CACNA2D3: variants seen among roughly 807,000 people sequenced by gnomAD.
The protein encoded by CACNA2D3 is calcium voltage-gated channel auxiliary subunit alpha2delta 3, also known as voltage-dependent calcium channel subunit alpha-2/delta-3.
Under a neutral mutation model 160.6 loss-of-function variants are expected in CACNA2D3, and 60 were observed. That is an observed-to-expected ratio of 0.37 (90% CI 0.30 to 0.46). CACNA2D3 has a LOEUF of 0.46. Among genes scored for constraint, CACNA2D3 ranks in the 20% least tolerant of loss-of-function variants. CACNA2D3 has a pLI of 1.00. For synonymous variants in CACNA2D3, 558 were observed against 492.9 expected, an observed-to-expected ratio of 1.13 and a Z score of -1.75; for missense variants, 1,205 against 1,365.0, an observed-to-expected ratio of 0.88 and a Z score of 1.85.
At chr3:55,018,801 T>C (rs1703384000) in intron 35 of CACNA2D3, among the ~76,000 whole-genome samples, 1 of 152,168 alleles carries the variant, frequency 6.6e-6, no homozygotes, top group African/African-American at 2.4e-5. Context: ...CTGACCTCTT[T>C]ATTTCAATTG....
intron 35 of CACNA2D3, among the ~76,000 whole-genome samples, chr3:55,041,148 A>G (rs929626907): frequency 5.9e-5 from 9 of 152,270 alleles, no homozygotes; most frequent in East Asian, 1.9e-4. Flanking sequence ...ACTCCATTGT[A>G]TAGAGATACA....
intron 17 of CACNA2D3, among the ~76,000 whole-genome samples, chr3:54,848,621 C>T (rs191187038): frequency 3.9e-5 from 6 of 152,214 alleles, no homozygotes; most frequent in Admixed American, 3.3e-4. Context: ...ATGAATTAAC[C>T]CATCTGAATG....
At chr3:54,921,182 AGCTCTTC>A (rs1271547108) in intron 27 of CACNA2D3, among the ~76,000 whole-genome samples, 1 of 24,918 alleles carries the variant, frequency 4.0e-5, no homozygotes, top group Non-Finnish European at 7.0e-5. Context: ...GATCACTAGT[AGCTCTTC>A]ACCTCTGTCT....
At chr3:54,642,014 G>A (rs1699531856) in intron 10 of CACNA2D3, 114 bp from the exon 11 acceptor site, 2 of 597,172 alleles carry the variant, frequency 3.3e-6, no homozygotes, top group Non-Finnish European at 5.8e-6. Context: ...GTGGTGGACA[G>A]TGTGCTGTCA....
chr3:54,737,854 CG>C (rs1701564498), intron 11 of CACNA2D3, among the ~76,000 whole-genome samples: 1 of 152,110 alleles, frequency 6.6e-6, no homozygotes, highest in South Asian at 2.1e-4. Context: ...TTGTTAGAGA[CG>C]GGGTTTCGCC....
At chr3:55,064,817 T>C (rs982259738) in intron 35 of CACNA2D3, among the ~76,000 whole-genome samples, 9 of 152,044 alleles carry the variant, frequency 5.9e-5, no homozygotes, top group South Asian at 2.1e-4. Context: ...TCAGAGTTCA[T>C]TGGAGATCTC....
chr3:55,009,911 T>A (rs1703173813), intron 34 of CACNA2D3, among the ~76,000 whole-genome samples: 1 of 152,178 alleles, frequency 6.6e-6, no homozygotes, highest in South Asian at 2.1e-4. Flanking sequence ...TAGAGACTCT[T>A]GGAGGCATGG....
rs1208840572 is a variant in CACNA2D3, at chr3:54,936,412, ATC to A, written c.2450-32034_2450-32033del. Reference sequence around the variant, plus strand: ...ATCTCAGTGAATTTGTGCTCTACATATCTCTGCTTGTCATCAAAGTCGCTCCA... The same window carrying A: ...ATCTCAGTGAATTTGTGCTCTACATATCTGCTTGTCATCAAAGTCGCTCCA... On this transcript the variant is annotated intron_variant, in intron 27 of 37. Transcript: ENST00000474759. Among the ~76,000 whole-genome samples the A allele has an allele frequency of 3.3e-5, 5 of 152,142 alleles. No individual in the cohort carries two copies. In the East Asian group the frequency reaches 9.7e-4, roughly 29 times the overall value.
intron 29 of CACNA2D3, among the ~76,000 whole-genome samples, chr3:54,983,495 A>T (rs1483633241): frequency 6.6e-6 from 1 of 152,216 alleles, no homozygotes; most frequent in Non-Finnish European, 1.5e-5. Context: ...AGCTGTGAAC[A>T]GGTTACTCAA....
chr3:54,402,368 C>G (rs541932325), intron 4 of CACNA2D3, among the ~76,000 whole-genome samples: 16 of 152,194 alleles, frequency 1.1e-4, no homozygotes, highest in Middle Eastern at 3.4e-3. Context: ...CAAGGTCCAA[C>G]TATATGCTAC....
chr3:54,932,644 A>G (rs1701218327), intron 27 of CACNA2D3, among the ~76,000 whole-genome samples: 1 of 152,192 alleles, frequency 6.6e-6, no homozygotes, highest in Admixed American at 6.5e-5. Flanking sequence ...CCCACAGGTA[A>G]CATCTGTCTT....
At chr3:54,687,103 A>ATTTTTC (rs1295361854) in intron 11 of CACNA2D3, among the ~76,000 whole-genome samples, 88 of 100,022 alleles carry the variant, frequency 8.8e-4, no homozygotes, top group African/African-American at 1.2e-3. Flanking sequence ...TTCAAATCGG[A>ATTTTTC]TTTTTCTTTT....
At chr3:54,626,629 C>T (rs1338166827) in intron 9 of CACNA2D3, 17 of 1,228,904 alleles carry the variant, frequency 1.4e-5, no homozygotes, top group South Asian at 4.9e-5. Context: ...CCACTCCTCC[C>T]GCTTCATCCC....
At chr3:54,920,704 G>A (rs1319487412) in intron 27 of CACNA2D3, among the ~76,000 whole-genome samples, 2 of 152,164 alleles carry the variant, frequency 1.3e-5, no homozygotes, top group Non-Finnish European at 2.9e-5. Context: ...ATGGGGCTTT[G>A]AGAAGTAGTC....
intron 5 of CACNA2D3, among the ~76,000 whole-genome samples, chr3:54,553,524 C>T (rs1472552914): frequency 1.3e-5 from 2 of 152,176 alleles, no homozygotes; most frequent in Non-Finnish European, 2.9e-5. Flanking sequence ...CAGGCATCTG[C>T]ACAGGGGCCA....
chr3:54,757,295 G>A (rs1575460168), intron 12 of CACNA2D3, among the ~76,000 whole-genome samples: 3 of 152,120 alleles, frequency 2.0e-5, no homozygotes, highest in Non-Finnish European at 4.4e-5. Context: ...ATGTGTTGTC[G>A]TCTGCTTAGC....
intron 20 of CACNA2D3, among the ~76,000 whole-genome samples, chr3:54,880,297 T>C (rs180925735): frequency 6.6e-6 from 1 of 152,320 alleles, no homozygotes; most frequent in African/African-American, 2.4e-5. Flanking sequence ...GTGAAAAACC[T>C]ATTAGACTAG....
chr3:54,492,426 C>T (rs1701125034), intron 4 of CACNA2D3, among the ~76,000 whole-genome samples: 1 of 152,212 alleles, frequency 6.6e-6, no homozygotes, highest in African/African-American at 2.4e-5. Flanking sequence ...AGGACCATGG[C>T]CTCCTACAGC....
chr3:54,410,437 G>A (rs1699647753), intron 4 of CACNA2D3, among the ~76,000 whole-genome samples: 1 of 152,060 alleles, frequency 6.6e-6, no homozygotes. Flanking sequence ...CTTATTAGGG[G>A]CTAATGCAAC....
Sources: gnomAD v4.1 joint callset for allele counts (sites outside exome capture counted in the v4.1 genomes callset) on GRCh38, gnomAD v4.1.1 for gene constraint, MANE v1.5 for transcripts, NCBI Gene and HGNC (gene_info 2026-07-23, HGNC 2026-07-21) for gene names.